GCM2: variants seen among roughly 807,000 people sequenced by gnomAD.
GCM2 encodes the protein chorion-specific transcription factor GCMb.
GCM2 carries 21 observed loss-of-function variants against 24.8 expected under a neutral mutation model. The ratio of observed to expected loss-of-function variants is 0.85; its 90% confidence interval spans 0.60 to 1.22. The LOEUF (loss-of-function observed/expected upper bound fraction) is 1.22, where lower values mean the gene tolerates loss of function less well. Among genes scored for constraint, GCM2 ranks in the 50% most tolerant of loss-of-function variants. The probability of loss-of-function intolerance (pLI) is 0.00; values close to 1 mark genes in which losing one functional copy is unlikely to be tolerated. For missense variants in GCM2, 532 were observed against 645.6 expected (o/e 0.82, Z 1.91); for synonymous variants, 222 against 238.0 (o/e 0.93, Z 0.62).
rs1372294169 is a variant in GCM2, at chr6:10,873,626, A to T, written c.*369T>A. 1 of 304,226 alleles carries T rather than the reference A, an allele frequency of 3.3e-6. No homozygotes were observed. The highest frequency in any genetic ancestry group is 6.4e-6 in the Non-Finnish European group (1 of 157,422). The allele number at this position is 304,226 out of a possible 1,614,324, so 18.8% of individuals were successfully genotyped here. On this transcript the variant is annotated 3_prime_UTR_variant, in exon 5 of 5. Coordinates refer to ENST00000379491, the MANE Select transcript of GCM2 (RefSeq NM_004752.4). ...AGCCTCTAGGGATGTGAAATTCCCT[A>T]AGGTGCTCTAATGGGAAAAGTCCTA...
chr6:10,876,375 C>A (rs1369618085), intron 3 of GCM2, 70 bp downstream of exon 3: 2 of 1,038,728 alleles, frequency 1.9e-6, no homozygotes, highest in East Asian at 4.7e-5. Flanking sequence ...CCAAGGCACA[C>A]GACAGGTGGT....
intron 2 of GCM2, 94 bp from the exon 3 acceptor site, chr6:10,876,651 C>T (rs946044918): frequency 5.3e-5 from 47 of 889,062 alleles, no homozygotes; most frequent in African/African-American, 1.5e-4. Context: ...AACTCATGCT[C>T]GGGCGCGGTG....
At chr6:10,875,007 G>T (rs1317652447) in intron 4 of GCM2, 74 bp from the exon 5 acceptor site, 5 of 1,026,896 alleles carry the variant, frequency 4.9e-6, no homozygotes, top group Non-Finnish European at 7.7e-6. Context: ...CAATAGCCTA[G>T]AAGTAAGTAA....
rs1162253380 is a variant in GCM2, at chr6:10,874,756, T to C, written c.760A>G (p.Lys254Glu). ...TCDLATFQGD[K>E]MPPFQKYSSP... is the part of the protein sequence containing the mutation. ...GAGTATTTCTGGAAGGGTGGCATTT[T>C]GTCTCCTTGAAAGGTGGCTAGGTCA... is the stretch of plus-strand genomic sequence containing the variant. The change falls in exon 5 of 5, where the codon AAA (lysine) becomes GAA (glutamate). Residue 254 changes from lysine to glutamate, a missense_variant. Physicochemically the swap from Lys to Glu is moderately conservative, Grantham distance 56. Coordinates refer to ENST00000379491, the MANE Select transcript of GCM2 (RefSeq NM_004752.4). 2 of 1,614,176 alleles carry C rather than the reference T, an allele frequency of 1.2e-6. No individual in the cohort carries two copies. The highest frequency in any genetic ancestry group is 3.3e-5 in the Admixed American group (2 of 60,020).
intron 1 of GCM2, among the ~76,000 whole-genome samples, chr6:10,880,835 T>C (rs1779949109): frequency 6.6e-6 from 1 of 152,240 alleles, no homozygotes. Flanking sequence ...TAGGGAGGTC[T>C]GAGCAAATTG....
chr6:10,879,749 TA>T (rs1254314397), intron 1 of GCM2, among the ~76,000 whole-genome samples: 2 of 152,034 alleles, frequency 1.3e-5, no homozygotes, highest in Non-Finnish European at 2.9e-5. Flanking sequence ...ACCAGTCTCC[TA>T]AAAAAAAGTT....
intron 1 of GCM2, among the ~76,000 whole-genome samples, chr6:10,879,478 G>GTA (rs1479380094): frequency 1.3e-5 from 2 of 152,256 alleles, no homozygotes; most frequent in East Asian, 3.9e-4. Context: ...GTGTGTGTGT[G>GTA]TACATACACA....
chr6:10,876,786 G>T (rs1043440247), intron 2 of GCM2, among the ~76,000 whole-genome samples: 1 of 152,248 alleles, frequency 6.6e-6, no homozygotes, highest in East Asian at 1.9e-4. Flanking sequence ...AAAATTAGCC[G>T]GGTGTGGTGG....
chr6:10,881,203 G>T (rs1779952578), intron 1 of GCM2, among the ~76,000 whole-genome samples: 1 of 152,148 alleles, frequency 6.6e-6, no homozygotes, highest in South Asian at 2.1e-4. Context: ...TTGTTGCCCA[G>T]GCTGGAGTTC....
chr6:10,875,178 G>T (rs1304354761), intron 4 of GCM2, among the ~76,000 whole-genome samples: 3 of 152,204 alleles, frequency 2.0e-5, no homozygotes, highest in Admixed American at 2.0e-4. Context: ...GGATGCTTCT[G>T]AGTGGCAGAT....
rs1779871112 is a variant in GCM2, at chr6:10,875,908, T to C, written c.565A>G (p.Arg189Gly). ...MASFYQPQKK[R>G]IRESEAEENQ... ...CCTGTTACCTCGGATTCTCGAATTC[T>C]CTTTTTCTGGGGTTGGTAGAAAGAG... is the stretch of plus-strand genomic sequence containing the variant. The change falls in exon 4 of 5, where the codon AGA becomes GGA. Residue 189 changes from arginine (R) to glycine (G), a missense_variant. Arg to Gly is a moderately radical substitution (Grantham distance 125). Transcript: ENST00000379491. 6.2e-7 allele frequency: 1 copy of C among 1,614,146 alleles called. No individual in the cohort carries two copies. Among genetic ancestry groups the C allele is most frequent in the South Asian group, 1.1e-5 (1 of 91,090 alleles).
In GCM2 at chr6:10,874,770, G is replaced by A. The variant is rs1779853761; in HGVS notation, c.746C>T (p.Thr249Ile). 2 of 1,613,914 alleles carry A rather than the reference G, an allele frequency of 1.2e-6. No individual in the cohort carries two copies. The highest frequency in any genetic ancestry group is 2.2e-5 in the East Asian group (1 of 44,890). The change falls in exon 5 of 5, where the codon ACC becomes ATC. Residue 249 changes from threonine to isoleucine, a missense_variant. Thr to Ile is a moderately conservative substitution (Grantham distance 89, BLOSUM62 -1). Around this residue, in one of 3 missense-constraint regions of GCM2, gnomAD observed 434 missense variants for 521.9 expected, o/e 0.83. Transcript: ENST00000379491. ...DVYKATCDLA[T>I]FQGDKMPPFQ... ...GGGTGGCATTTTGTCTCCTTGAAAGGTGGCTAGGTCACAGGTAGCTTTGTA... is the reference window on the plus strand; with the variant it reads ...GGGTGGCATTTTGTCTCCTTGAAAGATGGCTAGGTCACAGGTAGCTTTGTA...
At chr6:10,875,635 T>C (rs1421700276) in intron 4 of GCM2, among the ~76,000 whole-genome samples, 1 of 152,194 alleles carries the variant, frequency 6.6e-6, no homozygotes, top group Non-Finnish European at 1.5e-5. Flanking sequence ...GCCCTTATAT[T>C]AGGATGTCAG....
intron 1 of GCM2, among the ~76,000 whole-genome samples, chr6:10,879,576 G>C (rs34723470): frequency 1.1e-4 from 17 of 152,298 alleles, no homozygotes; most frequent in African/African-American, 4.1e-4. Context: ...TGAGTAAGTA[G>C]CCTGAGACTA....
chr6:10,879,658 C>T (rs1053843347), intron 1 of GCM2, among the ~76,000 whole-genome samples: 1 of 152,144 alleles, frequency 6.6e-6, no homozygotes, highest in African/African-American at 2.4e-5. Flanking sequence ...CAGAGCAGGG[C>T]GATGCTAAGT....
At chr6:10,879,350 C>T (rs902583717) in intron 1 of GCM2, among the ~76,000 whole-genome samples, 3 of 152,166 alleles carry the variant, frequency 2.0e-5, no homozygotes, top group African/African-American at 4.8e-5. Context: ...ATGCCTCACA[C>T]GAGCTACTGA....
chr6:10,873,371 A>T lies in GCM2; in HGVS notation c.*624T>A, dbSNP rs983336824. The T allele has an allele frequency of 6.5e-6, 1 of 154,778 alleles. No individual in the cohort carries two copies. Among genetic ancestry groups the T allele is most frequent in the East Asian group, 1.9e-4 (1 of 5,250 alleles). The allele number at this position is 154,778 out of a possible 1,614,324, so 9.6% of individuals were successfully genotyped here. A position where few individuals can be genotyped will look rare whatever the true frequency, so the allele number is the denominator to read the frequency against. On this transcript the variant is annotated 3_prime_UTR_variant, in exon 5 of 5. Transcript: ENST00000379491. ...ATCATGTTATGAAAAGGTTATGAAA[A>T]GGTTAGGAAACTATCATGTTATGAA... is the stretch of plus-strand genomic sequence containing the variant.
chr6:10,877,010 C>T (rs879005296), intron 2 of GCM2, 130 bp downstream of exon 2: 1 of 1,238,208 alleles, frequency 8.1e-7, no homozygotes, highest in South Asian at 1.2e-5. Flanking sequence ...TTGCAGTGAG[C>T]TGAGATTGCA....
At chr6:10,876,833 A>T (rs554572629) in intron 2 of GCM2, among the ~76,000 whole-genome samples, 3 of 150,986 alleles carry the variant, frequency 2.0e-5, no homozygotes, top group East Asian at 2.0e-4. Context: ...GGAGGCCGAG[A>T]CAGGCAGATC....
Sources: gnomAD v4.1 joint callset for allele counts (sites outside exome capture counted in the v4.1 genomes callset) on GRCh38, gnomAD v4.1.1 for gene constraint, gnomAD v4.1.1 regional missense constraint, MANE v1.5 for transcripts, NCBI Gene and HGNC (gene_info 2026-07-23, HGNC 2026-07-21) for gene names.